AHRR: variants seen among roughly 807,000 people sequenced by gnomAD.
AHRR encodes the protein aryl hydrocarbon receptor repressor, also known as ahR repressor.
AHRR carries 28 observed loss-of-function variants against 44.0 expected under a neutral mutation model. That is an observed-to-expected ratio of 0.64 (90% confidence interval 0.47 to 0.87). AHRR has a LOEUF of 0.87. Ranked by LOEUF, AHRR falls within the 40% of genes least tolerant of loss-of-function variation. AHRR has a pLI of 0.00. For missense variants in AHRR, 990 were observed against 953.9 expected (o/e 1.04, Z -0.50); for synonymous variants, 434 against 407.0 (o/e 1.07, Z -0.80).
chr5:349,798 A>G lies in AHRR; in HGVS notation c.63-3932A>G, dbSNP rs575212537. On this transcript the variant is annotated intron_variant, in intron 2 of 10. Coordinates refer to ENST00000684583, the MANE Select transcript of AHRR (RefSeq NM_001377236.1). The stretch of plus-strand genomic sequence containing the variant: ...TGAGTTAATTTTTGGATATTGCATG[A>G]GGGTAGAGCTGGTGTCCGTTTGTTT... 7.9e-5 allele frequency among the ~76,000 whole-genome samples: 12 copies of G among 152,250 alleles called. No homozygotes were observed. The South Asian group carries it at 2.1e-3, about 26-fold the overall frequency.
chr5:433,941 C>T lies in AHRR; in HGVS notation c.1201C>T (p.Pro401Ser). ...GACTCCAGGACCCACAAAGCCCCTGCCCTGGACAGCGGGAAAGCACAGTGA... is the reference window on the plus strand; with the variant it reads ...GACTCCAGGACCCACAAAGCCCCTGTCCTGGACAGCGGGAAAGCACAGTGA... ...RETPGPTKPL[P>S]WTAGKHSEDG... The change falls in exon 11 of 11, where the codon CCC becomes TCC. Residue 401 changes from proline to serine, a missense_variant. Transcript: ENST00000684583. 6.5e-7 allele frequency: 1 copy of T among 1,549,062 alleles called. No homozygotes were observed. Among genetic ancestry groups the T allele is most frequent in the Admixed American group, 1.9e-5 (1 of 52,238 alleles).
At chr5:424,078 C>T in intron 7 of AHRR, 101 bp downstream of exon 7, 1 of 1,494,210 alleles carries the variant, frequency 6.7e-7, no homozygotes. Flanking sequence ...GGGCGTTAAA[C>T]CACATGTCCC....
At chr5:426,391 GATGA>G (rs1331787549) in intron 7 of AHRR, among the ~76,000 whole-genome samples, 1 of 150,134 alleles carries the variant, frequency 6.7e-6, no homozygotes, top group African/African-American at 2.4e-5. Flanking sequence ...TGGAAAGATG[GATGA>G]ATGGATGGAT....
rs539194748 is a variant in AHRR at position 352,867 on chromosome 5, T to C, written c.63-863T>C. Among the ~76,000 whole-genome samples, 1,274 of 148,550 alleles carry C rather than the reference T, an allele frequency of 8.6e-3. 15 individuals carry two copies. Among genetic ancestry groups the C allele is most frequent in the African/African-American group, 0.029 (1,152 of 39,974 alleles). ...TCACTGTGAGGTTAAATGGGTCAGC[T>C]GTAGGGGATGGTCACTGTGAGGTTA... On this transcript the variant is annotated intron_variant, in intron 2 of 10. Transcript: ENST00000684583.
chr5:424,020 A>T, intron 7 of AHRR, 43 bp downstream of exon 7: 1 of 1,579,298 alleles, frequency 6.3e-7, no homozygotes, highest in South Asian at 1.1e-5. Flanking sequence ...GACATCTGGG[A>T]TGCATTCTAC....
At chr5:351,151 G>A (rs1037582913) in intron 2 of AHRR, among the ~76,000 whole-genome samples, 6 of 152,332 alleles carry the variant, frequency 3.9e-5, no homozygotes, top group East Asian at 3.9e-4. Flanking sequence ...CTACATTGCC[G>A]ATGGGAAAGT....
At chr5:396,719 A>C (rs571545353) in intron 4 of AHRR, among the ~76,000 whole-genome samples, 16 of 152,146 alleles carry the variant, frequency 1.1e-4, no homozygotes, top group Non-Finnish European at 1.9e-4. Context: ...GGGAGGAAGC[A>C]TGCCGGCCCT....
At chr5:413,797 T>C (rs1160712853) in intron 5 of AHRR, among the ~76,000 whole-genome samples, 1 of 152,184 alleles carries the variant, frequency 6.6e-6, no homozygotes, top group Admixed American at 6.5e-5. Context: ...CTTGGTGCAC[T>C]CAGGACACAG....
intron 7 of AHRR, among the ~76,000 whole-genome samples, chr5:425,519 T>C (rs2126537921): frequency 6.6e-6 from 1 of 152,318 alleles, no homozygotes; most frequent in East Asian, 1.9e-4. Context: ...AGTGTTTCAC[T>C]GTTGGTATTT....
Position 434,163 on chromosome 5 carries a change from C to T in AHRR, c.1423C>T (p.Gln475Ter), listed in dbSNP as rs1560927229. 6.2e-7 allele frequency: 1 copy of T among 1,604,312 alleles called. No individual in the cohort carries two copies. The highest frequency in any genetic ancestry group is 2.2e-5 in the East Asian group (1 of 44,830). The change falls in exon 11 of 11, where the codon CAG (glutamine) becomes TAG (stop). Residue 475 changes from glutamine to a stop codon, truncating the protein, a stop_gained. Coordinates refer to ENST00000684583, the MANE Select transcript of AHRR (RefSeq NM_001377236.1). LOFTEE classifies it low-confidence loss of function (END_TRUNC). ...ACCCATGCGGGATGTCGGTGAGGAC[C>T]AGGTGCACCCTCCCCTCTGCCACTT... ...SRPMRDVGED[Q>*]VHPPLCHFPQ...
intron 7 of AHRR, chr5:427,526 A>G: frequency 1.5e-6 from 2 of 1,322,788 alleles, no homozygotes; most frequent in South Asian, 1.2e-5. Flanking sequence ...GCACACATGA[A>G]CAGGCACACA....
At chr5:394,068 G>C (rs1734590234) in intron 4 of AHRR, among the ~76,000 whole-genome samples, 1 of 152,214 alleles carries the variant, frequency 6.6e-6, no homozygotes, top group Non-Finnish European at 1.5e-5. Flanking sequence ...CTCCATTCTT[G>C]CTTTTATCTT....
chr5:413,756 C>T (rs1016877692), intron 5 of AHRR, among the ~76,000 whole-genome samples: 7 of 152,320 alleles, frequency 4.6e-5, no homozygotes, highest in South Asian at 4.1e-4. Context: ...CCCATTCAGC[C>T]GCTCCCAGGC....
intron 2 of AHRR, among the ~76,000 whole-genome samples, chr5:349,413 T>C (rs1742785724): frequency 6.6e-6 from 1 of 151,878 alleles, no homozygotes; most frequent in East Asian, 1.9e-4. Context: ...CCGTCTCCAC[T>C]AAAAATACAA....
rs1579721362 is a variant in AHRR, at chr5:435,794, G to A, written c.*960G>A. Reference sequence around the variant, plus strand: ...ATGAGGGTTCCCATTGCCATCCTAGGAGAATAATTAGGGACAAGACAGACA... The same window carrying A: ...ATGAGGGTTCCCATTGCCATCCTAGAAGAATAATTAGGGACAAGACAGACA... On this transcript the variant is annotated 3_prime_UTR_variant, in exon 11 of 11. Transcript: ENST00000684583. 1 of 152,758 alleles carries A rather than the reference G, an allele frequency of 6.5e-6. No homozygotes were observed. The highest frequency in any genetic ancestry group is 1.9e-4 in the East Asian group (1 of 5,328). 9.5% of individuals were successfully genotyped at this position (152,758 alleles called of 1,614,324 possible).
In AHRR at chr5:434,791, C is replaced by T. The variant is rs748125683; in HGVS notation, c.2051C>T (p.Thr684Met). 56 of 1,553,774 alleles carry T rather than the reference C, an allele frequency of 3.6e-5. No homozygotes were observed. The highest frequency in any genetic ancestry group is 3.6e-4 in the Middle Eastern group (2 of 5,568). ...ATGTTGCCCAAAAGTGCCTTGGCCA[C>T]GCTGGTCCCGCCCCAAGCTTCGGGG... ...PGMLPKSALATLVPPQASGCT... is the reference protein window; with the variant it reads ...PGMLPKSALAMLVPPQASGCT... Residue 684 changes from threonine to methionine, a missense_variant, in exon 11 of 11, where the codon ACG (threonine) becomes ATG (methionine). Coordinates refer to ENST00000684583, the MANE Select transcript of AHRR (RefSeq NM_001377236.1).
chr5:432,623 A>G (rs1736781943), intron 9 of AHRR, 99 bp downstream of exon 9: 2 of 1,522,896 alleles, frequency 1.3e-6, no homozygotes, highest in Admixed American at 1.7e-5. Context: ...GGCGTATTCC[A>G]TGGAAAAGCC....
chr5:350,412 A>G (rs1742819669), intron 2 of AHRR, among the ~76,000 whole-genome samples: 1 of 152,152 alleles, frequency 6.6e-6, no homozygotes, highest in Admixed American at 6.5e-5. Flanking sequence ...GGCGTTGATG[A>G]ATCCTCCTGC....
In AHRR at chr5:427,835, T is replaced by A. The variant is rs781205104; in HGVS notation, c.737T>A (p.Phe246Tyr). 8.1e-6 allele frequency: 13 copies of A among 1,614,158 alleles called. No individual in the cohort carries two copies. The highest frequency in any genetic ancestry group is 1.1e-5 in the Non-Finnish European group (13 of 1,180,026). The change falls in exon 8 of 11, where the codon TTC (phenylalanine) becomes TAC (tyrosine). Residue 246 changes from phenylalanine (F) to tyrosine (Y), a missense_variant. Physicochemically the swap from Phe to Tyr is conservative, Grantham distance 22. Transcript: ENST00000684583. ...ATGCAGTTTCAAGGAAAACTAAAAT[T>A]CCTGTTTGGACAGAAGAAGAAGGCG... ...LTMQFQGKLK[F>Y]LFGQKKKAPS...
Sources: allele counts gnomAD v4.1 joint callset (sites outside exome capture counted in the v4.1 genomes callset), GRCh38; gene constraint gnomAD v4.1.1; transcripts MANE v1.5; gene names NCBI Gene and HGNC (gene_info 2026-07-23, HGNC 2026-07-21).